The following FARP1 variants were observed in gnomAD, a reference collection of about 807,000 sequenced individuals.
FARP1 encodes the protein FERM, ARH/RhoGEF and pleckstrin domain protein 1, also known as FERM, ARHGEF and pleckstrin domain-containing protein 1.
FARP1 carries 52 observed loss-of-function variants against 128.8 expected under a neutral mutation model. The ratio of observed to expected loss-of-function variants is 0.40; its 90% CI spans 0.32 to 0.51. The LOEUF (loss-of-function observed/expected upper bound fraction) is 0.51. FARP1 is among the 20% of genes least tolerant of loss of function. The probability of loss-of-function intolerance (pLI) is 0.45; values close to 1 mark genes in which losing one functional copy is unlikely to be tolerated. For missense variants in FARP1, 1,333 were observed against 1,367.9 expected (o/e 0.97, Z 0.40); for synonymous variants, 580 against 551.8 (o/e 1.05, Z -0.72).
chr13:98,343,709 T>G (rs1888064174), intron 2 of FARP1, 53 bp from the exon 3 acceptor site: 2 of 1,264,506 alleles, frequency 1.6e-6, no homozygotes, highest in Non-Finnish European at 2.3e-6. Context: ...GAGCTGTGGT[T>G]TGTTTTCATC....
At chr13:98,297,634 G>A (rs1435738570) in intron 2 of FARP1, among the ~76,000 whole-genome samples, 2 of 152,286 alleles carry the variant, frequency 1.3e-5, no homozygotes, top group East Asian at 3.9e-4. Context: ...TATTACTACT[G>A]TGGGAAGGAG....
chr13:98,385,795 C>CA lies in FARP1; in HGVS notation c.740_741insA (p.Ile249AsnfsTer9). On this transcript the variant is annotated frameshift_variant, in exon 8 of 27. Transcript: ENST00000319562. LOFTEE classifies it high-confidence loss of function. ...AAGATCAATCTGGCCGTTGCCAACA[C>CA]GGGAATTCTAGTGTTTCAGGTGAGA... 6.2e-7 allele frequency: 1 copy of CA among 1,614,134 alleles called. No homozygotes were observed. The highest frequency in any genetic ancestry group is 8.5e-7 in the Non-Finnish European group (1 of 1,180,030).
At chr13:98,158,270 C>G (rs78852119) in intron 1 of FARP1, among the ~76,000 whole-genome samples, 4,068 of 152,072 alleles carry the variant, frequency 0.027, 185 homozygotes, top group African/African-American at 0.092. Flanking sequence ...AAATTTTTTT[C>G]CCCTGTGGAT....
intron 1 of FARP1, among the ~76,000 whole-genome samples, chr13:98,153,291 T>C (rs1234721469): frequency 1.5e-4 from 2 of 13,438 alleles, no homozygotes; most frequent in Non-Finnish European, 3.1e-4. Flanking sequence ...ATATAAAATA[T>C]ATATAAATAT....
rs550137746 is a variant in FARP1, at chr13:98,228,414, TG to T, written c.171+15002del. ...CTAAAATGGTAAACCCCATGTTACC[TG>T]TTTTTTTAAATCACAATTAAAAAAA... On this transcript the variant is annotated intron_variant, in intron 2 of 26. Transcript: ENST00000319562. Among the ~76,000 whole-genome samples, 71 of 151,610 alleles carry T rather than the reference TG, an allele frequency of 4.7e-4. 1 individual carries two copies. Among genetic ancestry groups the T allele is most frequent in the African/African-American group, 1.6e-3 (66 of 41,204 alleles).
intron 1 of FARP1, chr13:98,177,820 C>T (rs376707872): frequency 6.6e-6 from 1 of 152,026 alleles, no homozygotes; most frequent in East Asian, 1.9e-4. Context: ...TGGAATCATT[C>T]CAGGCCATAG....
At chr13:98,157,169 G>A (rs935254174) in intron 1 of FARP1, among the ~76,000 whole-genome samples, 26 of 152,200 alleles carry the variant, frequency 1.7e-4, no homozygotes, top group African/African-American at 6.3e-4. Context: ...GTTGACTGGA[G>A]TAGTCAAGAA....
intron 2 of FARP1, chr13:98,234,265 T>A (rs138087219): frequency 6.6e-6 from 1 of 152,218 alleles, no homozygotes. Flanking sequence ...GGTTCAGTTG[T>A]TGGAAACTAC....
At chr13:98,201,984 G>GT (rs1217762543) in intron 1 of FARP1, among the ~76,000 whole-genome samples, 4 of 152,240 alleles carry the variant, frequency 2.6e-5, no homozygotes, top group Non-Finnish European at 5.9e-5. Context: ...TTGATCTGCA[G>GT]TTGTTTCTTT....
intron 2 of FARP1, among the ~76,000 whole-genome samples, chr13:98,223,994 T>C (rs1197057900): frequency 1.3e-5 from 2 of 152,238 alleles, no homozygotes; most frequent in African/African-American, 2.4e-5. Flanking sequence ...TGCAATTGGC[T>C]ATTATCCCAT....
At chr13:98,172,945 C>T (rs1422641196) in intron 1 of FARP1, among the ~76,000 whole-genome samples, 1 of 152,060 alleles carries the variant, frequency 6.6e-6, no homozygotes. Flanking sequence ...TGAAATGTGC[C>T]AAAAAGATGC....
chr13:98,175,973 G>C (rs1212260319), intron 1 of FARP1: 1 of 607,250 alleles, frequency 1.6e-6, no homozygotes, highest in Non-Finnish European at 3.0e-6. Context: ...TGGACACTTG[G>C]GTTGTTTACA....
At chr13:98,218,718 C>T (rs567017106) in intron 2 of FARP1, among the ~76,000 whole-genome samples, 1 of 152,238 alleles carries the variant, frequency 6.6e-6, no homozygotes, top group African/African-American at 2.4e-5. Flanking sequence ...GCCTTATGTG[C>T]GTGTGGGGTG....
chr13:98,301,976 C>A (rs1373127720), intron 2 of FARP1, among the ~76,000 whole-genome samples: 2 of 150,892 alleles, frequency 1.3e-5, no homozygotes, highest in Non-Finnish European at 3.0e-5. Context: ...TTTTTTTTTT[C>A]CCCTAAGGAA....
intron 2 of FARP1, among the ~76,000 whole-genome samples, chr13:98,215,191 A>G (rs11617458): frequency 0.22 from 33,049 of 152,174 alleles, 3,847 homozygotes; most frequent in Middle Eastern, 0.36. Flanking sequence ...AGTAATAGAA[A>G]TGTGTTTTTA....
At chr13:98,370,234 G>A (rs918845679) in intron 5 of FARP1, among the ~76,000 whole-genome samples, 9 of 152,216 alleles carry the variant, frequency 5.9e-5, no homozygotes, top group African/African-American at 1.9e-4. Context: ...CTCTGCCCAA[G>A]GCGGGAATCA....
intron 16 of FARP1, among the ~76,000 whole-genome samples, chr13:98,416,199 A>G (rs1891369284): frequency 6.6e-6 from 1 of 152,244 alleles, no homozygotes; most frequent in Non-Finnish European, 1.5e-5. Flanking sequence ...GGTATGTTAC[A>G]TTAACTAAAG....
At chr13:98,331,188 C>A (rs1445687791) in intron 2 of FARP1, among the ~76,000 whole-genome samples, 1 of 152,148 alleles carries the variant, frequency 6.6e-6, no homozygotes, top group South Asian at 2.1e-4. Context: ...AATTCATAAT[C>A]TTTTAGTCCT....
chr13:98,371,526 CATT>C (rs1889330735), intron 5 of FARP1, among the ~76,000 whole-genome samples: 2 of 151,888 alleles, frequency 1.3e-5, no homozygotes, highest in Admixed American at 6.6e-5. Context: ...TCTTTTGGCT[CATT>C]GTTGAATAAA....
Sources: allele counts gnomAD v4.1 joint callset (sites outside exome capture counted in the v4.1 genomes callset), GRCh38; gene constraint gnomAD v4.1.1; transcripts MANE v1.5; gene names NCBI Gene and HGNC (gene_info 2026-07-23, HGNC 2026-07-21).